The following TSPAN32 variants were observed in gnomAD, a reference collection of about 807,000 sequenced individuals.
The protein encoded by TSPAN32 is tetraspanin-32.
TSPAN32 carries 47 observed loss-of-function variants against 42.7 expected under a neutral mutation model. That is an observed-to-expected ratio of 1.10 (90% CI 0.87 to 1.40). The LOEUF (loss-of-function observed/expected upper bound fraction) is 1.40, where lower values mean the gene tolerates loss of function less well. Among genes scored for constraint, TSPAN32 ranks in the 40% most tolerant of loss-of-function variants. The pLI is 0.00. For missense variants in TSPAN32, 469 were observed against 424.1 expected (o/e 1.11, Z -0.93); for synonymous variants, 175 against 175.9 (o/e 0.99, Z 0.04).
rs182859275 is a variant in TSPAN32 at position 2,317,580 on chromosome 11, C to T, written c.901+55C>T. On this transcript the variant is annotated intron_variant, in intron 9 of 9. Coordinates refer to ENST00000182290, the MANE Select transcript of TSPAN32 (RefSeq NM_139022.3). This position sits in a 1 kb window ranked among gnomAD's most constrained non-coding sequence, Gnocchi z 6.2. Reference sequence around the variant, plus strand: ...GGGATCCCTGAGGGGAGGGTCCGAGCTGTGAGGAGGGAAGGGAGTGAAGGC... The same window carrying T: ...GGGATCCCTGAGGGGAGGGTCCGAGTTGTGAGGAGGGAAGGGAGTGAAGGC... The T allele has an allele frequency of 3.3e-6, 5 of 1,527,530 alleles. No homozygotes were observed. The South Asian group carries it at 3.6e-5, about 11-fold the overall frequency. 94.6% of individuals were successfully genotyped at this position (1,527,530 alleles called of 1,614,324 possible).
chr11:2,314,184 G>GA (rs956014124), intron 5 of TSPAN32, among the ~76,000 whole-genome samples: 3 of 148,310 alleles, frequency 2.0e-5, no homozygotes, highest in Non-Finnish European at 4.5e-5. Flanking sequence ...AAAAAGAAAA[G>GA]AAAAAATAAA....
At chr11:2,308,991 C>T (rs1364822720) in intron 4 of TSPAN32, among the ~76,000 whole-genome samples, 181 bp downstream of exon 4, 1 of 151,984 alleles carries the variant, frequency 6.6e-6, no homozygotes, top group Non-Finnish European at 1.5e-5. Context: ...AGGCCAAGCG[C>T]TGGAGGTGGG....
chr11:2,315,156 GCCCTCCCCCAGCCCACCCTGCC>G, intron 6 of TSPAN32: 1 of 711,596 alleles, frequency 1.4e-6, no homozygotes, highest in Non-Finnish European at 1.9e-6. Flanking sequence ...GTGCCCGGCA[GCCCTCCCCCAGCCCACCCTGCC>G]CCCTCCCTGC....
At chr11:2,302,698 A>G (rs747957792) in intron 1 of TSPAN32, 146 bp from the exon 2 acceptor site, 1 of 678,406 alleles carries the variant, frequency 1.5e-6, no homozygotes, top group Non-Finnish European at 2.5e-6. Context: ...AGACCACTCC[A>G]CGGAAACACC....
chr11:2,304,213 A>G lies in TSPAN32; in HGVS notation c.279+9A>G, dbSNP rs1196543145. 1.9e-6 allele frequency: 3 copies of G among 1,544,586 alleles called. No individual in the cohort carries two copies. The highest frequency in any genetic ancestry group is 4.8e-5 in the East Asian group (2 of 41,910). On this transcript the variant is annotated intron_variant, in intron 3 of 9. Transcript: ENST00000182290. The surrounding 1 kb of genome is among the most constrained non-coding windows in gnomAD (Gnocchi z 4.8). The stretch of plus-strand genomic sequence containing the variant: ...AGGGCCTCATGGCAGGGGTGAGTTC[A>G]TTGTGTTCCCAGATGCCCAGGCCCC...
intron 1 of TSPAN32, 56 bp from the exon 2 acceptor site, chr11:2,302,788 C>G (rs746200890): frequency 6.1e-6 from 9 of 1,480,412 alleles, no homozygotes; most frequent in Non-Finnish European, 7.5e-6. Flanking sequence ...TGGGGCCGAG[C>G]TCCCTGCTCC....
intron 7 of TSPAN32, 35 bp from the exon 8 acceptor site, chr11:2,316,541 G>A: frequency 6.2e-7 from 1 of 1,605,404 alleles, no homozygotes; most frequent in Non-Finnish European, 8.5e-7. Context: ...CCGCACCCTG[G>A]GGCAGTGGGG....
chr11:2,317,726 C>G lies in TSPAN32; in HGVS notation c.902-137C>G. On this transcript the variant is annotated intron_variant, in intron 9 of 9. Transcript: ENST00000182290. The surrounding 1 kb of genome is among the most constrained non-coding windows in gnomAD (Gnocchi z 6.2). ...GGAAACCACACTGGAGGCAGCAGCCCAGGGCAGACTGCAAGACACTGGTGG... is the reference window on the plus strand; with the variant it reads ...GGAAACCACACTGGAGGCAGCAGCCGAGGGCAGACTGCAAGACACTGGTGG... 1.1e-5 allele frequency: 16 copies of G among 1,511,674 alleles called. No individual in the cohort carries two copies. The highest frequency in any genetic ancestry group is 1.4e-5 in the African/African-American group (1 of 71,344). 93.6% of individuals were successfully genotyped at this position (1,511,674 alleles called of 1,614,324 possible). A position where few individuals can be genotyped will look rare whatever the true frequency, so the allele number is the denominator to read the frequency against.
At chr11:2,305,271 G>A (rs374227763) in intron 3 of TSPAN32, among the ~76,000 whole-genome samples, 16 of 152,302 alleles carry the variant, frequency 1.1e-4, no homozygotes, top group South Asian at 4.1e-4. Context: ...TTCCTGCTCC[G>A]GGGCACACGA....
At chr11:2,303,980 C>T (rs1847919086) in intron 2 of TSPAN32, 127 bp from the exon 3 acceptor site, 2 of 678,488 alleles carry the variant, frequency 2.9e-6, no homozygotes, top group Non-Finnish European at 5.2e-6. Context: ...GAGAGACAGG[C>T]CCATTCAGAG....
At position 2,317,028 on chromosome 11, in the gene TSPAN32, A is replaced by C. The variant is rs901173945; in HGVS notation, c.720-316A>C. 2.6e-5 allele frequency among the ~76,000 whole-genome samples: 4 copies of C among 151,828 alleles called. No individual in the cohort carries two copies. Among genetic ancestry groups the C allele is most frequent in the Non-Finnish European group, 4.4e-5 (3 of 67,916 alleles). On this transcript the variant is annotated intron_variant, in intron 8 of 9. Transcript: ENST00000182290. The surrounding 1 kb of genome is among the most constrained non-coding windows in gnomAD (Gnocchi z 6.2). The stretch of plus-strand genomic sequence containing the variant: ...AGGGGGCAGGGAGGGTCCAACCCAC[A>C]GCCAGGCAGCTCTTCCTGCCCCCAC...
intron 6 of TSPAN32, chr11:2,315,991 C>T (rs143770032): frequency 0.01 from 15,858 of 1,533,304 alleles, 191 homozygotes; most frequent in Middle Eastern, 0.055. Flanking sequence ...CGGCACCGGC[C>T]GGGCCCAGGG....
intron 3 of TSPAN32, among the ~76,000 whole-genome samples, chr11:2,307,655 A>G (rs1186940158): frequency 5.3e-5 from 8 of 152,106 alleles, no homozygotes; most frequent in Non-Finnish European, 8.8e-5. Flanking sequence ...CGTGTTCCTT[A>G]GCTTCCGCAA....
chr11:2,316,703 G>T, intron 8 of TSPAN32, 36 bp downstream of exon 8: 1 of 1,511,510 alleles, frequency 6.6e-7, no homozygotes, highest in East Asian at 2.3e-5. Flanking sequence ...CCCTCTGGAA[G>T]GGTCCTCCAG....
chr11:2,316,738 G>A (rs1406765351), intron 8 of TSPAN32, 71 bp downstream of exon 8: 12 of 1,450,204 alleles, frequency 8.3e-6, no homozygotes, highest in South Asian at 1.4e-5. Context: ...CATCTGCTCT[G>A]CCAGCTGCTA....
chr11:2,310,714 A>G (rs1020340271), intron 4 of TSPAN32, among the ~76,000 whole-genome samples: 1 of 152,222 alleles, frequency 6.6e-6, no homozygotes, highest in Admixed American at 6.5e-5. Context: ...CAGGGGCTGC[A>G]TGGGTGGGAA....
rs1589820661 is a variant in TSPAN32, at chr11:2,316,562, T to C, written c.628-14T>C. On this transcript the variant is annotated splice_polypyrimidine_tract_variant and intron_variant, in intron 7 of 9. Transcript: ENST00000182290. Reference sequence around the variant, plus strand: ...CCTGGGGCAGTGGGGCAGCCGCGGGTGTCTCCCTCCCAGGTGTCCGCCTTG... The same window carrying C: ...CCTGGGGCAGTGGGGCAGCCGCGGGCGTCTCCCTCCCAGGTGTCCGCCTTG... 1 of 1,600,098 alleles carries C rather than the reference T, an allele frequency of 6.2e-7. No individual in the cohort carries two copies. The highest frequency in any genetic ancestry group is 2.2e-5 in the East Asian group (1 of 44,662).
chr11:2,317,054 G>A lies in TSPAN32; in HGVS notation c.720-290G>A, dbSNP rs1227013681. 6.6e-6 allele frequency among the ~76,000 whole-genome samples: 1 copy of A among 152,014 alleles called. No homozygotes were observed. ...GCCAGGCAGCTCTTCCTGCCCCCAC[G>A]GAGCCTGGCCCGTCTCTGCCTGCCA... On this transcript the variant is annotated intron_variant, in intron 8 of 9. Transcript: ENST00000182290. This position sits in a 1 kb window ranked among gnomAD's most constrained non-coding sequence, Gnocchi z 6.2.
At chr11:2,315,011 T>G in intron 6 of TSPAN32, 1 of 146,102 alleles carries the variant, frequency 6.8e-6, no homozygotes, top group Non-Finnish European at 1.3e-5. Flanking sequence ...CAGAAGGAGT[T>G]GAAGGGCACT....
Sources: gnomAD v4.1 joint callset for allele counts (sites outside exome capture counted in the v4.1 genomes callset) on GRCh38, gnomAD v4.1.1 for gene constraint, Gnocchi (gnomAD v3.1) non-coding constraint, MANE v1.5 for transcripts, NCBI Gene and HGNC (gene_info 2026-07-23, HGNC 2026-07-21) for gene names.